The following NPHP1 variants were observed in gnomAD, a reference collection of about 807,000 sequenced individuals.
NPHP1 encodes nephrocystin-1.
Under a neutral mutation model 90.4 loss-of-function variants are expected in NPHP1, and 70 were observed. The observed-to-expected ratio is 0.77, with a 90% CI of 0.64 to 0.95. NPHP1 has a LOEUF of 0.95. Among genes scored for constraint, NPHP1 ranks in the 40% least tolerant of loss-of-function variants. The pLI is 0.00. For synonymous variants in NPHP1, 256 were observed against 271.7 expected (o/e 0.94, Z 0.57); for missense variants, 764 against 795.9 (o/e 0.96, Z 0.48).
rs905316703 is a variant in NPHP1, at chr2:110,150,271, T to C, written c.1084-15A>G. ...TTGCTCAGAACCTGAAATGAGATTT[T>C]CCCTTTTGAAATCATGTAAAAAGCT... On this transcript the variant is annotated splice_polypyrimidine_tract_variant and intron_variant, in intron 11 of 19. Coordinates refer to ENST00000445609, the MANE Select transcript of NPHP1 (RefSeq NM_001128178.3). 6.2e-7 allele frequency: 1 copy of C among 1,612,788 alleles called. No homozygotes were observed. Among genetic ancestry groups the C allele is most frequent in the Non-Finnish European group, 8.5e-7 (1 of 1,178,938 alleles).
intron 16 of NPHP1, among the ~76,000 whole-genome samples, chr2:110,143,035 T>C (rs892346721): frequency 6.6e-6 from 1 of 152,088 alleles, no homozygotes; most frequent in African/African-American, 2.4e-5. Flanking sequence ...GCAAAACTGC[T>C]GAGAAAGAAA....
intron 2 of NPHP1, 59 bp from the exon 3 acceptor site, chr2:110,179,743 AT>A: frequency 1.2e-6 from 1 of 805,982 alleles, no homozygotes; most frequent in Non-Finnish European, 2.0e-6. Flanking sequence ...CCAGAAAGCT[AT>A]TTTATAAAAT....
intron 19 of NPHP1, chr2:110,125,412 A>G: frequency 7.6e-7 from 1 of 1,320,966 alleles, no homozygotes. Flanking sequence ...AATAAAACTC[A>G]GTAATCTGAA....
chr2:110,190,256 G>A (rs867499196), intron 2 of NPHP1, among the ~76,000 whole-genome samples: 7 of 152,192 alleles, frequency 4.6e-5, no homozygotes, highest in Admixed American at 2.6e-4. Flanking sequence ...TTGGGTGGTC[G>A]ATGGGACTGG....
rs367547828 is a variant in NPHP1, at chr2:110,199,652, CAAAG to C, written c.143+1765_143+1768del. The stretch of plus-strand genomic sequence containing the variant: ...CCCAAAAAAACATCTCCCATACAAA[CAAAG>C]AAACAGAAACTATTAACAGGAAGTT... On this transcript the variant is annotated intron_variant, in intron 2 of 19. Coordinates refer to ENST00000445609, the MANE Select transcript of NPHP1 (RefSeq NM_001128178.3). Among the ~76,000 whole-genome samples, 181 of 151,720 alleles carry C rather than the reference CAAAG, an allele frequency of 1.2e-3. 1 individual carries two copies. Among genetic ancestry groups the C allele is most frequent in the African/African-American group, 4.3e-3 (176 of 41,340 alleles).
At chr2:110,146,144 G>T (rs574211773) in intron 14 of NPHP1, among the ~76,000 whole-genome samples, 20 of 152,234 alleles carry the variant, frequency 1.3e-4, no homozygotes, top group Non-Finnish European at 2.4e-4. Flanking sequence ...CTGCCCATTT[G>T]TGTCCCTTCT....
intron 11 of NPHP1, 90 bp from the exon 12 acceptor site, chr2:110,150,346 C>A (rs1468432849): frequency 8.6e-7 from 1 of 1,166,596 alleles, no homozygotes; most frequent in Middle Eastern, 1.9e-4. Flanking sequence ...AGTGGCTACA[C>A]TAAGTGAGGA....
At chr2:110,171,347 C>T (rs1452456134) in intron 4 of NPHP1, among the ~76,000 whole-genome samples, 1 of 152,110 alleles carries the variant, frequency 6.6e-6, no homozygotes, top group Non-Finnish European at 1.5e-5. Flanking sequence ...CTAAAGCTTA[C>T]ATGAGAGAAG....
rs1553484094 is a variant in NPHP1 at position 110,144,559 on chromosome 2, GCT to G, written c.1361_1362del (p.Glu454AlafsTer10). 3.8e-6 allele frequency: 6 copies of G among 1,593,038 alleles called. No homozygotes were observed. Among genetic ancestry groups the G allele is most frequent in the Non-Finnish European group, 5.2e-6 (6 of 1,161,048 alleles). The stretch of plus-strand genomic sequence containing the variant: ...TAAGGAGTACCACCATTCAAGAAAA[GCT>G]CATAAGTTCTATAAAAGAATAACAT... ...SGVPIPAKTY[E>X]LFLNGGTPYE... On this transcript the variant is annotated frameshift_variant, in exon 15 of 20. Coordinates refer to ENST00000445609, the MANE Select transcript of NPHP1 (RefSeq NM_001128178.3). LOFTEE classifies it high-confidence loss of function.
intron 4 of NPHP1, among the ~76,000 whole-genome samples, chr2:110,177,165 C>A (rs955020373): frequency 6.6e-6 from 1 of 152,128 alleles, no homozygotes; most frequent in Admixed American, 6.5e-5. Context: ...ATCAACCCTG[C>A]TTGGTAGATG....
rs776468903 is a variant in NPHP1, at chr2:110,123,743, AG to A, written c.*47del. On this transcript the variant is annotated 3_prime_UTR_variant, in exon 20 of 20. Coordinates refer to ENST00000445609, the MANE Select transcript of NPHP1 (RefSeq NM_001128178.3). ...CATCATTTTATTCACGTAATCGTGG[AG>A]GATCCATCTGATTCCGTGGGAAGCT... The A allele has an allele frequency of 4.4e-6, 7 of 1,589,928 alleles. No homozygotes were observed. Among genetic ancestry groups the A allele is most frequent in the Non-Finnish European group, 6.0e-6 (7 of 1,159,022 alleles).
intron 11 of NPHP1, among the ~76,000 whole-genome samples, chr2:110,155,395 A>C (rs1297102225): frequency 1.3e-5 from 2 of 152,138 alleles, no homozygotes; most frequent in Admixed American, 1.3e-4. Flanking sequence ...CTGGGGCACC[A>C]CCTAGTGGAG....
intron 4 of NPHP1, 122 bp from the exon 5 acceptor site, chr2:110,170,120 A>C (rs1208413314): frequency 2.7e-5 from 35 of 1,299,866 alleles, no homozygotes; most frequent in Non-Finnish European, 3.8e-5. Flanking sequence ...AAAAGAAATA[A>C]GGGAAAATAC....
At chr2:110,163,372 G>T (rs1188554233) in intron 8 of NPHP1, 2 of 521,566 alleles carry the variant, frequency 3.8e-6, no homozygotes, top group Non-Finnish European at 6.9e-6. Context: ...GTGTTCCGGA[G>T]CAGCTGCTTC....
Position 110,124,059 on chromosome 2 carries a change from T to A in NPHP1, c.1766A>T (p.Asp589Val), listed in dbSNP as rs762601521. 1 of 1,613,974 alleles carries A rather than the reference T, an allele frequency of 6.2e-7. No individual in the cohort carries two copies. The highest frequency in any genetic ancestry group is 8.5e-7 in the Non-Finnish European group (1 of 1,179,958). Residue 589 changes from aspartate to valine, a missense_variant, in exon 20 of 20, where the codon GAC becomes GTC. Transcript: ENST00000445609. ...ESTLKRSEKR[D>V]KEFLKSTFLL... ...AAACGTGGACTTCAGGAACTCTTTG[T>A]CTCTCTGGGAAAACACCACCCCCAC...
At chr2:110,152,705 C>A (rs1269807838) in intron 11 of NPHP1, among the ~76,000 whole-genome samples, 1 of 151,226 alleles carries the variant, frequency 6.6e-6, no homozygotes, top group African/African-American at 2.4e-5. Context: ...AGAACCATGT[C>A]AACAAGTGGG....
intron 2 of NPHP1, among the ~76,000 whole-genome samples, chr2:110,190,260 G>A (rs1254118702): frequency 6.6e-6 from 1 of 152,192 alleles, no homozygotes; most frequent in Non-Finnish European, 1.5e-5. Context: ...GTGGTCGATG[G>A]GACTGGGCAC....
chr2:110,169,985 T>C lies in NPHP1; in HGVS notation c.343A>G (p.Thr115Ala), dbSNP rs769751381. The C allele has an allele frequency of 1.2e-6, 2 of 1,612,536 alleles. No individual in the cohort carries two copies. The highest frequency in any genetic ancestry group is 1.7e-6 in the Non-Finnish European group (2 of 1,178,662). The change falls in exon 5 of 20, where the codon ACT (threonine) becomes GCT (alanine). Residue 115 changes from threonine (T) to alanine (A), a missense_variant. By Grantham distance (58) the Thr-to-Ala change is moderately conservative (BLOSUM62 0). Transcript: ENST00000445609. ...CTTTCACTTTCTTCCTCTTCTTCAG[T>C]AGGTGCCCCAACTCTACAAAAAGTG... The part of the protein sequence containing the change: ...RENITEVGAP[T>A]EEEEESESED...
chr2:110,199,333 C>T (rs1251025733), intron 2 of NPHP1, among the ~76,000 whole-genome samples: 1 of 151,660 alleles, frequency 6.6e-6, no homozygotes, highest in Non-Finnish European at 1.5e-5. Context: ...ACTCAGAAGG[C>T]TAAGGCAGGA....
Sources: allele counts gnomAD v4.1 joint callset (sites outside exome capture counted in the v4.1 genomes callset), GRCh38; gene constraint gnomAD v4.1.1; transcripts MANE v1.5; gene names NCBI Gene and HGNC (gene_info 2026-07-23, HGNC 2026-07-21).